The following TLN2 variants were observed in gnomAD, a reference collection of about 807,000 sequenced individuals.
TLN2 encodes talin 2, also known as talin-2.
Under a neutral mutation model 294.7 loss-of-function variants are expected in TLN2, and 118 were observed. The observed-to-expected ratio is 0.40, with a 90% confidence interval of 0.34 to 0.47. The LOEUF is 0.47. Ranked by LOEUF, TLN2 falls within the 20% of genes least tolerant of loss-of-function variation. The probability of loss-of-function intolerance (pLI) is 0.84; values close to 1 mark genes in which losing one functional copy is unlikely to be tolerated. For synonymous variants in TLN2, 1,431 were observed against 1,304.5 expected, an observed-to-expected ratio of 1.10 and a Z score of -2.09; for missense variants, 3,083 against 3,282.2, an observed-to-expected ratio of 0.94 and a Z score of 1.48.
Position 62,604,525 on chromosome 15 carries a change from A to T in TLN2, c.-161-13826A>T, listed in dbSNP as rs1404501519. Among the ~76,000 whole-genome samples, 5 of 60,696 alleles carry T rather than the reference A, an allele frequency of 8.2e-5. No homozygotes were observed. The East Asian group carries it at 6.4e-3, about 77-fold the overall frequency. The allele number at this position is 60,696 out of a possible 152,430, so 39.8% of individuals were successfully genotyped here. A position where few individuals can be genotyped will look rare whatever the true frequency, so the allele number is the denominator to read the frequency against. On this transcript the variant is annotated intron_variant, in intron 2 of 58. Coordinates refer to ENST00000636159, the MANE Select transcript of TLN2 (RefSeq NM_015059.3). ...GGGTGACAAAGTGAGACCTTGTCTT[A>T]AAAAAAAAAAAAAAAAAAAAAGAAA...
intron 1 of TLN2, among the ~76,000 whole-genome samples, chr15:62,496,960 A>G (rs546259432): frequency 8.5e-5 from 13 of 152,208 alleles, no homozygotes; most frequent in Middle Eastern, 6.8e-3. Flanking sequence ...GCTCCTGGTG[A>G]TGGTAAGTAG....
At chr15:62,753,985 A>G (rs537280082) in intron 36 of TLN2, 69 bp downstream of exon 36, 102 of 1,391,562 alleles carry the variant, frequency 7.3e-5, no homozygotes, top group Middle Eastern at 2.0e-4. Context: ...GTGGGAGACT[A>G]TGAGAAATTA....
chr15:62,407,199 C>A lies in TLN2; in HGVS notation c.-238+16514C>A, dbSNP rs1331874148. Among the ~76,000 whole-genome samples the A allele has an allele frequency of 2.6e-5, 4 of 152,184 alleles. No individual in the cohort carries two copies. The East Asian group carries it at 7.8e-4, about 30-fold the overall frequency. On this transcript the variant is annotated intron_variant, in intron 1 of 58. Coordinates refer to ENST00000636159, the MANE Select transcript of TLN2 (RefSeq NM_015059.3). ...TGTTGATTTTACCTTTTATTAAGGC[C>A]TTGCACATTGATTACTATCATAATC...
chr15:62,817,135 A>G (rs867006339), intron 52 of TLN2, among the ~76,000 whole-genome samples: 8 of 152,214 alleles, frequency 5.3e-5, no homozygotes, highest in African/African-American at 1.9e-4. Flanking sequence ...GTACATTGAT[A>G]TTGACTGCTG....
At chr15:62,612,972 A>G (rs1165750575) in intron 2 of TLN2, among the ~76,000 whole-genome samples, 2 of 152,222 alleles carry the variant, frequency 1.3e-5, no homozygotes, top group Non-Finnish European at 1.5e-5. Context: ...TTGTAAAACA[A>G]ACAGCATTTA....
intron 1 of TLN2, among the ~76,000 whole-genome samples, chr15:62,583,898 GT>G (rs1430088839): frequency 1.3e-5 from 2 of 151,826 alleles, no homozygotes; most frequent in African/African-American, 2.4e-5. Context: ...TGGCATCTCT[GT>G]TTTTTTTGGT....
At chr15:62,574,454 G>A (rs1332348043) in intron 1 of TLN2, among the ~76,000 whole-genome samples, 1 of 151,430 alleles carries the variant, frequency 6.6e-6, no homozygotes, top group East Asian at 1.9e-4. Context: ...GGTGGTACAT[G>A]CTTGTAGCTC....
At chr15:62,755,473 G>A (rs1284280792) in intron 36 of TLN2, 59 bp from the exon 37 acceptor site, 8 of 1,572,834 alleles carry the variant, frequency 5.1e-6, no homozygotes, top group African/African-American at 1.4e-5. Flanking sequence ...CTGAGGACCG[G>A]GGTGGACCCC....
At chr15:62,509,730 G>A (rs944543924) in intron 1 of TLN2, among the ~76,000 whole-genome samples, 4 of 152,076 alleles carry the variant, frequency 2.6e-5, no homozygotes, top group African/African-American at 7.2e-5. Flanking sequence ...CCATCCGTGC[G>A]CCTCCTTTAC....
chr15:62,752,775 C>A (rs1003298182), intron 35 of TLN2, among the ~76,000 whole-genome samples: 2 of 151,998 alleles, frequency 1.3e-5, no homozygotes, highest in East Asian at 1.9e-4. Flanking sequence ...TTTAGAAATG[C>A]GAAACTGTTA....
intron 3 of TLN2, among the ~76,000 whole-genome samples, chr15:62,642,078 C>T (rs2051184380): frequency 6.6e-6 from 1 of 152,298 alleles, no homozygotes; most frequent in African/African-American, 2.4e-5. Flanking sequence ...TCCGCTTCCA[C>T]AAAGGAAACC....
intron 1 of TLN2, among the ~76,000 whole-genome samples, chr15:62,395,177 G>A (rs962588986): frequency 6.9e-6 from 1 of 144,216 alleles, no homozygotes; most frequent in Non-Finnish European, 1.5e-5. Flanking sequence ...ATTGTGTTCC[G>A]AGGAGGTGAT....
chr15:62,727,235 T>C (rs1451691096), intron 28 of TLN2, 46 bp downstream of exon 28: 1 of 1,526,630 alleles, frequency 6.6e-7, no homozygotes, highest in African/African-American at 1.4e-5. Context: ...TTCAGGCCAC[T>C]GGGTGTAGTG....
chr15:62,711,192 T>G (rs1034099029), intron 21 of TLN2, among the ~76,000 whole-genome samples: 1 of 152,206 alleles, frequency 6.6e-6, no homozygotes, highest in African/African-American at 2.4e-5. Flanking sequence ...AGAGGAAGAT[T>G]TGAATCGTTC....
chr15:62,743,726 G>T (rs62004627), intron 32 of TLN2, among the ~76,000 whole-genome samples: 1 of 152,182 alleles, frequency 6.6e-6, no homozygotes, highest in South Asian at 2.1e-4. Flanking sequence ...CAAAACGAAG[G>T]GGGTATCCTA....
intron 7 of TLN2, 31 bp downstream of exon 7, chr15:62,653,345 A>T (rs781232377): frequency 6.3e-7 from 1 of 1,587,542 alleles, no homozygotes; most frequent in Non-Finnish European, 8.6e-7. Flanking sequence ...CATGATACAG[A>T]CACACAGGCT....
intron 1 of TLN2, among the ~76,000 whole-genome samples, chr15:62,514,922 C>T (rs1486357044): frequency 3.3e-5 from 5 of 152,066 alleles, no homozygotes; most frequent in African/African-American, 1.2e-4. Flanking sequence ...AAATATAACT[C>T]ACTTACACCA....
intron 41 of TLN2, among the ~76,000 whole-genome samples, chr15:62,768,726 A>C (rs6494352): frequency 0.98 from 149,632 of 152,316 alleles, 73,547 homozygotes; most frequent in Middle Eastern, 1. Context: ...GTGTTAAAGT[A>C]CTTGCTAAGC....
chr15:62,431,926 C>A (rs528917393), intron 1 of TLN2, among the ~76,000 whole-genome samples: 1 of 152,090 alleles, frequency 6.6e-6, no homozygotes, highest in Non-Finnish European at 1.5e-5. Flanking sequence ...AGGCCTTGGG[C>A]CCCGGGCATG....
Sources: gnomAD v4.1 joint callset for allele counts (sites outside exome capture counted in the v4.1 genomes callset) on GRCh38, gnomAD v4.1.1 for gene constraint, MANE v1.5 for transcripts, NCBI Gene and HGNC (gene_info 2026-07-23, HGNC 2026-07-21) for gene names.